The following CNTN3 variants were observed in gnomAD, a reference collection of about 807,000 sequenced individuals.
CNTN3 encodes contactin 3.
Under a neutral mutation model 119.1 loss-of-function variants are expected in CNTN3, and 60 were observed. That is an observed-to-expected ratio of 0.50 (90% CI 0.41 to 0.62). The LOEUF (loss-of-function observed/expected upper bound fraction) is 0.62, where lower values mean the gene tolerates loss of function less well. CNTN3 is among the 20% of genes least tolerant of loss of function. CNTN3 has a pLI of 0.00. For missense variants in CNTN3, 1,101 were observed against 1,242.4 expected (o/e 0.89, Z 1.71); for synonymous variants, 450 against 438.7 (o/e 1.03, Z -0.32).
intron 5 of CNTN3, among the ~76,000 whole-genome samples, chr3:74,387,466 A>G (rs527985915): frequency 2.0e-5 from 3 of 152,380 alleles, no homozygotes; most frequent in East Asian, 3.9e-4. Flanking sequence ...AGAAATACTC[A>G]AAATGCAGAA....
At chr3:74,364,671 C>T in intron 9 of CNTN3, 75 bp from the exon 10 acceptor site, 2 of 1,274,872 alleles carry the variant, frequency 1.6e-6, no homozygotes, top group Non-Finnish European at 2.2e-6. Flanking sequence ...ACTATCATTT[C>T]ACTCACACAG....
intron 5 of CNTN3, among the ~76,000 whole-genome samples, chr3:74,390,058 A>T (rs760290373): frequency 6.6e-5 from 10 of 152,202 alleles, no homozygotes; most frequent in Non-Finnish European, 1.3e-4. Context: ...AGATGCCTCC[A>T]TCACCTCTCC....
chr3:74,497,169 C>T (rs1201090532), intron 3 of CNTN3, among the ~76,000 whole-genome samples: 1 of 151,872 alleles, frequency 6.6e-6, no homozygotes, highest in Non-Finnish European at 1.5e-5. Flanking sequence ...CCACCATATT[C>T]TTCCTTTTTA....
At chr3:74,321,536 A>G (rs1028429915) in intron 13 of CNTN3, among the ~76,000 whole-genome samples, 6 of 152,094 alleles carry the variant, frequency 3.9e-5, no homozygotes, top group African/African-American at 1.2e-4. Context: ...TCCAAATAAA[A>G]GGAATAAAAA....
intron 5 of CNTN3, among the ~76,000 whole-genome samples, chr3:74,376,290 G>A (rs1019781137): frequency 6.6e-6 from 1 of 152,132 alleles, no homozygotes. Context: ...GGCCTGTTAG[G>A]AACCAGGCCA....
intron 5 of CNTN3, among the ~76,000 whole-genome samples, chr3:74,386,010 T>G (rs892170969): frequency 1.2e-4 from 19 of 152,156 alleles, no homozygotes; most frequent in African/African-American, 4.6e-4. Flanking sequence ...CAAAAAAGTA[T>G]AGGAGGAAAG....
rs781627678 is a variant in CNTN3, at chr3:74,364,518, C to A, written c.1162G>T (p.Ala388Ser). The A allele has an allele frequency of 6.2e-7, 1 of 1,612,610 alleles. No individual in the cohort carries two copies. The highest frequency in any genetic ancestry group is 8.5e-7 in the Non-Finnish European group (1 of 1,179,002). Residue 388 changes from alanine to serine, a missense_variant, in exon 10 of 23, where the codon GCA becomes TCA. Coordinates refer to ENST00000263665, the MANE Select transcript of CNTN3 (RefSeq NM_020872.3). ...VTDSGMFQCIAENKHGLVYSS... is the reference protein window; with the variant it reads ...VTDSGMFQCISENKHGLVYSS... Reference sequence around the variant, plus strand: ...TAAACAAGGCCATGTTTGTTTTCTGCTATGCATTGGAACATGCCAGAATCA... The same window carrying A: ...TAAACAAGGCCATGTTTGTTTTCTGATATGCATTGGAACATGCCAGAATCA...
chr3:74,446,531 A>G (rs1037435674), intron 4 of CNTN3, among the ~76,000 whole-genome samples: 3 of 152,190 alleles, frequency 2.0e-5, no homozygotes, highest in African/African-American at 4.8e-5. Flanking sequence ...GACATGTAGC[A>G]GTCTGGATTG....
intron 3 of CNTN3, among the ~76,000 whole-genome samples, chr3:74,488,867 T>C (rs993525642): frequency 5.9e-5 from 9 of 152,198 alleles, no homozygotes; most frequent in Non-Finnish European, 1.3e-4. Context: ...AGATTTCTGC[T>C]ATTGGTTTTT....
At chr3:74,404,140 T>C (rs1705264178) in intron 5 of CNTN3, among the ~76,000 whole-genome samples, 1 of 152,074 alleles carries the variant, frequency 6.6e-6, no homozygotes, top group African/African-American at 2.4e-5. Flanking sequence ...TTGAATACGG[T>C]AGGATCAAAA....
At chr3:74,333,891 C>T (rs1703329235) in intron 13 of CNTN3, among the ~76,000 whole-genome samples, 1 of 152,132 alleles carries the variant, frequency 6.6e-6, no homozygotes, top group Admixed American at 6.5e-5. Flanking sequence ...CCATAATTGA[C>T]AAAACCAGAC....
At chr3:74,560,262 A>T (rs1410601438) in intron 1 of CNTN3, among the ~76,000 whole-genome samples, 1 of 152,152 alleles carries the variant, frequency 6.6e-6, no homozygotes, top group African/African-American at 2.4e-5. Flanking sequence ...ATACCTACAG[A>T]GCATTCAGTG....
At chr3:74,478,409 G>A (rs1702699558) in intron 4 of CNTN3, among the ~76,000 whole-genome samples, 1 of 152,134 alleles carries the variant, frequency 6.6e-6, no homozygotes, top group South Asian at 2.1e-4. Context: ...AGGGTAAGGA[G>A]AGGCTGTCTG....
chr3:74,569,564 A>G (rs1047274216), intron 1 of CNTN3, among the ~76,000 whole-genome samples: 3 of 152,236 alleles, frequency 2.0e-5, no homozygotes, highest in Admixed American at 6.5e-5. Flanking sequence ...AGAGAGATAC[A>G]CTGAATAATA....
At chr3:74,436,763 A>C (rs1220914099) in intron 4 of CNTN3, among the ~76,000 whole-genome samples, 2 of 152,214 alleles carry the variant, frequency 1.3e-5, no homozygotes, top group Non-Finnish European at 2.9e-5. Context: ...AATACAAAAC[A>C]AAAATCTTCA....
At chr3:74,584,501 C>G (rs1365804189) in intron 1 of CNTN3, among the ~76,000 whole-genome samples, 1 of 152,046 alleles carries the variant, frequency 6.6e-6, no homozygotes, top group Non-Finnish European at 1.5e-5. Flanking sequence ...CATGTGACGT[C>G]TGCTCCCCTT....
rs567503848 is a variant in CNTN3 at position 74,532,092 on chromosome 3, C to T, written c.-80-10900G>A. ...AGAAAATTAATTTGCTAAATAAATG[C>T]TTTTCGTGATGTTATCAAGCCCAGA... On this transcript the variant is annotated intron_variant, in intron 1 of 22. Transcript: ENST00000263665. Among the ~76,000 whole-genome samples the T allele has an allele frequency of 9.9e-5, 15 of 151,996 alleles. No homozygotes were observed. In the East Asian group the frequency reaches 1.2e-3, roughly 12 times the overall value.
chr3:74,363,874 T>C (rs1277551795), intron 10 of CNTN3, among the ~76,000 whole-genome samples: 2 of 152,104 alleles, frequency 1.3e-5, no homozygotes, highest in Non-Finnish European at 2.9e-5. Flanking sequence ...CACTATGCCA[T>C]GGTGTTTTGC....
chr3:74,285,790 G>GACAT (rs1702099696), intron 19 of CNTN3, among the ~76,000 whole-genome samples: 1 of 56,514 alleles, frequency 1.8e-5, no homozygotes, highest in Admixed American at 2.8e-4. Flanking sequence ...ATGAAGGGGA[G>GACAT]ATATATATAT....
Sources: allele counts gnomAD v4.1 joint callset (sites outside exome capture counted in the v4.1 genomes callset), GRCh38; gene constraint gnomAD v4.1.1; transcripts MANE v1.5; gene names NCBI Gene and HGNC (gene_info 2026-07-23, HGNC 2026-07-21).